ASTN2: variants seen among roughly 807,000 people sequenced by gnomAD.
ASTN2 encodes the protein astrotactin 2, also known as astrotactin-2.
In ASTN2, 54 loss-of-function variants were observed where a neutral mutation model predicts 139.8. The ratio of observed to expected loss-of-function variants is 0.39; its 90% CI spans 0.31 to 0.48. ASTN2 has a LOEUF of 0.48. ASTN2 is among the 20% of genes least tolerant of loss of function. The pLI, the probability that ASTN2 is intolerant of heterozygous loss-of-function variation, is 0.95. For synonymous variants in ASTN2, 756 were observed against 719.5 expected, an observed-to-expected ratio of 1.05 and a Z score of -0.81; for missense variants, 1,565 against 1,725.1, an observed-to-expected ratio of 0.91 and a Z score of 1.64.
rs767841816 is a variant in ASTN2 at position 116,618,345 on chromosome 9, T to G, written c.3334A>C (p.Thr1112Pro). Residue 1112 changes from threonine (T) to proline (P), a missense_variant, in exon 19 of 23, where the codon ACA becomes CCA. By Grantham distance (38) the Thr-to-Pro change is conservative. Coordinates refer to ENST00000313400, the MANE Select transcript of ASTN2 (RefSeq NM_001365068.1). Reference protein sequence around the residue: ...ILQHKKVDEYTDTDLYTGEFL... With the variant: ...ILQHKKVDEYPDTDLYTGEFL... ...CTACCTGTGTACAGGTCAGTGTCTGTGTATTCATCCACTTTCTTATGCTGC... is the reference window on the plus strand; with the variant it reads ...CTACCTGTGTACAGGTCAGTGTCTGGGTATTCATCCACTTTCTTATGCTGC... The G allele has an allele frequency of 1.9e-6, 3 of 1,614,124 alleles. No homozygotes were observed. Among genetic ancestry groups the G allele is most frequent in the South Asian group, 2.2e-5 (2 of 91,068 alleles).
At chr9:116,492,692 G>A (rs1849553469) in intron 19 of ASTN2, among the ~76,000 whole-genome samples, 1 of 152,314 alleles carries the variant, frequency 6.6e-6, no homozygotes, top group African/African-American at 2.4e-5. Context: ...ACATGAATGT[G>A]ATATACAGTC....
chr9:116,771,078 C>G (rs1442523501), intron 13 of ASTN2, among the ~76,000 whole-genome samples: 1 of 152,188 alleles, frequency 6.6e-6, no homozygotes, highest in African/African-American at 2.4e-5. Context: ...AATATCCATT[C>G]CTTTGTCCTT....
At chr9:117,364,241 G>A (rs1403705868) in intron 1 of ASTN2, among the ~76,000 whole-genome samples, 1 of 152,134 alleles carries the variant, frequency 6.6e-6, no homozygotes, top group Admixed American at 6.6e-5. Context: ...CAGGGAGATA[G>A]TGACTTGTTC....
intron 1 of ASTN2, among the ~76,000 whole-genome samples, chr9:117,404,672 C>T (rs1316303684): frequency 6.6e-6 from 1 of 152,088 alleles, no homozygotes; most frequent in African/African-American, 2.4e-5. Flanking sequence ...GAGTGAGAAG[C>T]AAGTTCACCT....
At chr9:117,281,061 T>C (rs1834312614) in intron 2 of ASTN2, among the ~76,000 whole-genome samples, 1 of 152,196 alleles carries the variant, frequency 6.6e-6, no homozygotes, top group South Asian at 2.1e-4. Context: ...ATCAGTATTT[T>C]AAAGTCAATA....
At chr9:117,249,656 G>T (rs1266244485) in intron 2 of ASTN2, among the ~76,000 whole-genome samples, 1 of 150,998 alleles carries the variant, frequency 6.6e-6, no homozygotes, top group Non-Finnish European at 1.5e-5. Flanking sequence ...GATCCCTCAG[G>T]TCCCAAGGAG....
At chr9:116,574,383 T>C (rs1853640408) in intron 19 of ASTN2, among the ~76,000 whole-genome samples, 1 of 152,210 alleles carries the variant, frequency 6.6e-6, no homozygotes, top group South Asian at 2.1e-4. Flanking sequence ...GTGAGCAGTA[T>C]ACTCAAAGGC....
At chr9:117,297,833 T>C (rs1184100583) in intron 1 of ASTN2, among the ~76,000 whole-genome samples, 1 of 152,176 alleles carries the variant, frequency 6.6e-6, no homozygotes, top group Admixed American at 6.5e-5. Context: ...AAGAGGGTAA[T>C]TTCCCAACCT....
At chr9:116,780,145 G>C (rs1241527488) in intron 13 of ASTN2, among the ~76,000 whole-genome samples, 1 of 152,166 alleles carries the variant, frequency 6.6e-6, no homozygotes, top group Admixed American at 6.5e-5. Flanking sequence ...CTCTGCTCTT[G>C]AGAAATTCAC....
At chr9:117,016,616 C>CA (rs1837691661) in intron 6 of ASTN2, among the ~76,000 whole-genome samples, 12 of 42,470 alleles carry the variant, frequency 2.8e-4, no homozygotes, top group African/African-American at 2.1e-3. Context: ...ATATCTATAT[C>CA]TATCTATCTA....
chr9:117,239,105 A>T (rs573590544), intron 2 of ASTN2, among the ~76,000 whole-genome samples: 8 of 152,200 alleles, frequency 5.3e-5, no homozygotes, highest in Non-Finnish European at 1.0e-4. Flanking sequence ...TCAGCAGTGG[A>T]TTCAGATTCC....
At chr9:116,430,319 G>C (rs1847456725) in intron 22 of ASTN2, among the ~76,000 whole-genome samples, 1 of 152,198 alleles carries the variant, frequency 6.6e-6, no homozygotes, top group Admixed American at 6.5e-5. Context: ...GGCAAAGCTA[G>C]AACCAGGGTT....
intron 10 of ASTN2, among the ~76,000 whole-genome samples, chr9:116,941,607 A>AC (rs1835232372): frequency 6.6e-6 from 1 of 151,990 alleles, no homozygotes; most frequent in African/African-American, 2.4e-5. Context: ...AAAAAAAAAA[A>AC]AACAACTTCA....
chr9:117,332,496 G>A (rs1828744842), intron 1 of ASTN2, among the ~76,000 whole-genome samples: 1 of 152,180 alleles, frequency 6.6e-6, no homozygotes, highest in Admixed American at 6.5e-5. Flanking sequence ...AGCCAGAGAG[G>A]CAGAGTTTGC....
At chr9:116,436,772 C>T (rs1377166905) in intron 22 of ASTN2, among the ~76,000 whole-genome samples, 2 of 151,824 alleles carry the variant, frequency 1.3e-5, no homozygotes, top group East Asian at 1.9e-4. Flanking sequence ...ATGTTTATTG[C>T]AGCACTATTC....
chr9:116,730,116 C>T (rs929917382), intron 14 of ASTN2, among the ~76,000 whole-genome samples: 8 of 152,166 alleles, frequency 5.3e-5, no homozygotes, highest in African/African-American at 1.9e-4. Flanking sequence ...AACAAAAATA[C>T]ATTAAAAAGA....
At chr9:116,434,217 C>T (rs752187061) in intron 22 of ASTN2, among the ~76,000 whole-genome samples, 1 of 152,172 alleles carries the variant, frequency 6.6e-6, no homozygotes, top group Non-Finnish European at 1.5e-5. Context: ...TACACATCCA[C>T]TGTGCACAAT....
Position 117,411,446 on chromosome 9 carries a change from C to CAA in ASTN2, c.442+3049_442+3050dup, listed in dbSNP as rs199996219. The stretch of plus-strand genomic sequence containing the variant: ...AGAAATACAAAAAGGAAAGGATCTG[C>CAA]AAAAAAAAAAAAAAAAAAAAAAAAG... On this transcript the variant is annotated intron_variant, in intron 1 of 22. Transcript: ENST00000313400. Among the ~76,000 whole-genome samples, 306 of 43,130 alleles carry CAA rather than the reference C, an allele frequency of 7.1e-3. 9 individuals are homozygous for CAA. The highest frequency in any genetic ancestry group is 0.021 in the African/African-American group (214 of 10,384). 28.3% of individuals were successfully genotyped at this position (43,130 alleles called of 152,430 possible). A position where few individuals can be genotyped will look rare whatever the true frequency, so the allele number is the denominator to read the frequency against.
At chr9:116,648,802 G>A (rs940124929) in intron 17 of ASTN2, among the ~76,000 whole-genome samples, 4 of 152,164 alleles carry the variant, frequency 2.6e-5, no homozygotes, top group Admixed American at 1.3e-4. Context: ...GGGAGGCTGA[G>A]GCGAGCAGAT....
Sources: gnomAD v4.1 joint callset for allele counts (sites outside exome capture counted in the v4.1 genomes callset) on GRCh38, gnomAD v4.1.1 for gene constraint, MANE v1.5 for transcripts, NCBI Gene and HGNC (gene_info 2026-07-23, HGNC 2026-07-21) for gene names.